Variants in SBSN observed in about 807,000 individuals in gnomAD.
The protein encoded by SBSN is HLAR698.
A neutral mutation model predicts 42.8 loss-of-function variants in SBSN; 33 were observed. That is an observed-to-expected ratio of 0.77 (90% confidence interval 0.58 to 1.03). SBSN has a LOEUF of 1.03. Ranked by LOEUF, SBSN falls within the 50% of genes least tolerant of loss-of-function variation. The pLI, the probability that SBSN is intolerant of heterozygous loss-of-function variation, is 0.00. For missense variants in SBSN, 646 were observed against 757.3 expected, an observed-to-expected ratio of 0.85 and a Z score of 1.72; for synonymous variants, 276 against 307.0, an observed-to-expected ratio of 0.90 and a Z score of 1.06.
At chr19:35,523,591 G>A (rs577011425) in intron 3 of SBSN, 58 bp from the exon 4 acceptor site, 26 of 1,565,918 alleles carry the variant, frequency 1.7e-5, no homozygotes, top group African/African-American at 9.5e-5. Context: ...GACGGGACCC[G>A]AGACCTCAGC....
In SBSN at chr19:35,526,850, G is replaced by C. The variant is rs2071378965; in HGVS notation, c.1432C>G (p.Gln478Glu). 1.2e-6 allele frequency: 2 copies of C among 1,613,482 alleles called. No homozygotes were observed. Among genetic ancestry groups the C allele is most frequent in the South Asian group, 2.2e-5 (2 of 91,056 alleles). Reference protein sequence around the residue: ...QAGKEADKAVQGFHTGVHQAG... With the variant: ...QAGKEADKAVEGFHTGVHQAG... The stretch of plus-strand genomic sequence containing the variant: ...TGGTGGACCCCAGTGTGGAACCCTT[G>C]GACCGCTTTGTCTGCTTCCTTCCCG... The change falls in exon 1 of 4, where the codon CAA becomes GAA. Residue 478 changes from glutamine to glutamate, a missense_variant. Transcript: ENST00000452271.
At chr19:35,523,628 G>C in intron 3 of SBSN, 95 bp from the exon 4 acceptor site, 1 of 1,252,288 alleles carries the variant, frequency 8.0e-7, no homozygotes, top group Non-Finnish European at 1.2e-6. Context: ...AGCACAAGGG[G>C]ACTGGCTGCT....
At chr19:35,525,048 C>A in intron 1 of SBSN, 124 bp from the exon 2 acceptor site, 1 of 946,930 alleles carries the variant, frequency 1.1e-6, no homozygotes, top group South Asian at 1.5e-5. Context: ...ACAGCTTAAC[C>A]CACTGCCTCC....
chr19:35,523,611 C>G, intron 3 of SBSN, 78 bp from the exon 4 acceptor site: 18 of 1,433,748 alleles, frequency 1.3e-5, no homozygotes, highest in Non-Finnish European at 1.8e-5. Flanking sequence ...CCCCGCCCCT[C>G]GGGAGAAGCA....
At chr19:35,524,970 G>A (rs1282258466) in intron 1 of SBSN, 46 bp from the exon 2 acceptor site, 2 of 1,599,614 alleles carry the variant, frequency 1.3e-6, no homozygotes, top group East Asian at 4.5e-5. Flanking sequence ...CAAACGCGGA[G>A]GGTCTCCCAG....
chr19:35,523,448 C>CA lies in SBSN; in HGVS notation c.*61dup. ...ACCTGTCCCCCACCCCCAACCCCTC[C>CA]AGGTCATGTCAGCTGATGTGACAAC... is the stretch of plus-strand genomic sequence containing the variant. On this transcript the variant is annotated 3_prime_UTR_variant, in exon 4 of 4. Transcript: ENST00000452271. 2 of 1,570,358 alleles carry CA rather than the reference C, an allele frequency of 1.3e-6. No individual in the cohort carries two copies. The highest frequency in any genetic ancestry group is 1.8e-6 in the Non-Finnish European group (2 of 1,140,372).
rs150226297 is a variant in SBSN, at chr19:35,528,203, C to T, written c.79G>A (p.Asp27Asn). The change falls in exon 1 of 4, where the codon GAC becomes AAC. Residue 27 changes from aspartate (D) to asparagine (N), a missense_variant. Around this residue, in one of 3 missense-constraint regions of SBSN, gnomAD observed 190 missense variants for 197.1 expected, o/e 0.96. Transcript: ENST00000452271. The part of the protein sequence containing the change: ...GALSGWAASD[D>N]PIEKVIEGIN... ...CCTTCAATGACCTTCTCAATGGGGTCATCGCTGGCCGCCCATCCAGACAGG... is the reference window on the plus strand; with the variant it reads ...CCTTCAATGACCTTCTCAATGGGGTTATCGCTGGCCGCCCATCCAGACAGG... 1.9e-5 allele frequency: 30 copies of T among 1,613,882 alleles called. No homozygotes were observed. The African/African-American group carries it at 3.2e-4, about 17-fold the overall frequency.
At position 35,524,852 on chromosome 19, in the gene SBSN, C is replaced by T. The variant is rs376696068; in HGVS notation, c.1704+7G>A. 71 of 1,613,954 alleles carry T rather than the reference C, an allele frequency of 4.4e-5. No individual in the cohort carries two copies. Among genetic ancestry groups the T allele is most frequent in the South Asian group, 1.1e-4 (10 of 91,084 alleles). On this transcript the variant is annotated splice_region_variant and intron_variant, in intron 2 of 3. Coordinates refer to ENST00000452271, the MANE Select transcript of SBSN (RefSeq NM_001166034.2). The stretch of plus-strand genomic sequence containing the variant: ...CTCCTCTCCCCTACCCCAGAGTCCG[C>T]GCTTACCCCAGAGGCTAACGGCGTG...
In SBSN at chr19:35,526,610, C is replaced by G. The variant is rs368600216; in HGVS notation, c.1638+34G>C. ...TTTAACCTTTCCCTCCCCCAACCCC[C>G]CTGTCCCCCATCTCCCCATCCCTGT... On this transcript the variant is annotated intron_variant, in intron 1 of 3. Transcript: ENST00000452271. 1.1e-5 allele frequency: 15 copies of G among 1,316,452 alleles called. No individual in the cohort carries two copies. The African/African-American group carries it at 2.0e-4, about 18-fold the overall frequency. 81.5% of individuals were successfully genotyped at this position (1,316,452 alleles called of 1,614,324 possible). A position where few individuals can be genotyped will look rare whatever the true frequency, so the allele number is the denominator to read the frequency against.
rs1600123817 is a variant in SBSN at position 35,527,704 on chromosome 19, T to A, written c.578A>T (p.His193Leu). 6.6e-7 allele frequency: 1 copy of A among 1,517,980 alleles called. No individual in the cohort carries two copies. The highest frequency in any genetic ancestry group is 8.8e-7 in the Non-Finnish European group (1 of 1,134,640). 94.0% of individuals were successfully genotyped at this position (1,517,980 alleles called of 1,614,324 possible). ...ATTTCCGGCCTGCCCTGCAGCATGG[T>A]GGACTCCCTGGCCAAACCTCCCAGC... The part of the protein sequence containing the change: ...NEAGRFGQGV[H>L]HAAGQAGNEA... The change falls in exon 1 of 4, where the codon CAC becomes CTC. Residue 193 changes from histidine (H) to leucine (L), a missense_variant. Coordinates refer to ENST00000452271, the MANE Select transcript of SBSN (RefSeq NM_001166034.2).
intron 3 of SBSN, 24 bp from the exon 4 acceptor site, chr19:35,523,557 G>A: frequency 1.2e-6 from 2 of 1,613,788 alleles, no homozygotes; most frequent in South Asian, 1.1e-5. Flanking sequence ...GGAGAGCAGG[G>A]GTGAATGTAG....
rs142567697 is a variant in SBSN, at chr19:35,526,208, AC to A, written c.1638+435del. Among the ~76,000 whole-genome samples the A allele has an allele frequency of 6.5e-3, 997 of 152,292 alleles. 10 individuals carry two copies. Among genetic ancestry groups the A allele is most frequent in the African/African-American group, 0.023 (941 of 41,556 alleles). On this transcript the variant is annotated intron_variant, in intron 1 of 3. Coordinates refer to ENST00000452271, the MANE Select transcript of SBSN (RefSeq NM_001166034.2). ...ATCAGAGGGTAGTTACAAAGATTAC[AC>A]AGGCCAAGGCTCATCTCCGAAAGCT...
At chr19:35,523,676 G>A (rs1433957405) in intron 3 of SBSN, 143 bp from the exon 4 acceptor site, 2 of 811,542 alleles carry the variant, frequency 2.5e-6, no homozygotes, top group Non-Finnish European at 2.1e-6. Context: ...GTTTCAGGAA[G>A]GTAGCATCTA....
intron 1 of SBSN, 78 bp from the exon 2 acceptor site, chr19:35,525,002 G>A: frequency 6.7e-7 from 1 of 1,493,850 alleles, no homozygotes; most frequent in Non-Finnish European, 9.2e-7. Context: ...CAGGGACCTG[G>A]TCCCCTCCAG....
In SBSN at chr19:35,527,035, C is replaced by T; in HGVS notation, c.1247G>A (p.Gly416Glu). The T allele has an allele frequency of 1.3e-6, 2 of 1,541,040 alleles. No homozygotes were observed. Residue 416 changes from glycine (G) to glutamate (E), a missense_variant, in exon 1 of 4, where the codon GGA (glycine) becomes GAA (glutamate). This residue lies in a region of SBSN where 236 missense variants were observed against 225.6 expected (regional missense o/e 1.05). Transcript: ENST00000452271. The part of the protein sequence containing the change: ...QGLHHGVSQA[G>E]REAGQFGHDI... ...GTGGCCAAACTGCCCCGCCTCCCTT[C>T]CAGCCTGACTAACGCCATGATGGAG...
intron 1 of SBSN, 87 bp downstream of exon 1, chr19:35,526,557 C>A (rs1317345297): frequency 4.3e-6 from 5 of 1,159,062 alleles, no homozygotes; most frequent in Non-Finnish European, 5.9e-6. Context: ...CTACGCGGAC[C>A]CCCCCGCCCC....
At chr19:35,524,551 G>C (rs1302795528) in intron 3 of SBSN, among the ~76,000 whole-genome samples, 160 bp downstream of exon 3, 2 of 152,084 alleles carry the variant, frequency 1.3e-5, no homozygotes, top group African/African-American at 2.4e-5. Flanking sequence ...GGAGCAGGTG[G>C]AGAGAGGGAA....
In SBSN at chr19:35,523,428, T is replaced by C. The variant is rs971567399; in HGVS notation, c.*82A>G. 19 of 1,388,890 alleles carry C rather than the reference T, an allele frequency of 1.4e-5. No homozygotes were observed. Among genetic ancestry groups the C allele is most frequent in the Non-Finnish European group, 1.9e-5 (19 of 975,858 alleles). The allele number at this position is 1,388,890 out of a possible 1,614,324, so 86.0% of individuals were successfully genotyped here. On this transcript the variant is annotated 3_prime_UTR_variant, in exon 4 of 4. Transcript: ENST00000452271. Reference sequence around the variant, plus strand: ...CCCCTTCAGGGATTTCAGAAACCTGTCCCCCACCCCCAACCCCTCCAGGTC... The same window carrying C: ...CCCCTTCAGGGATTTCAGAAACCTGCCCCCCACCCCCAACCCCTCCAGGTC...
At chr19:35,525,343 C>T (rs1304599362) in intron 1 of SBSN, among the ~76,000 whole-genome samples, 1 of 152,136 alleles carries the variant, frequency 6.6e-6, no homozygotes, top group Admixed American at 6.5e-5. Context: ...CCATGCACCC[C>T]AGCAGTGCCC....
Sources: allele counts gnomAD v4.1 joint callset (sites outside exome capture counted in the v4.1 genomes callset), GRCh38; gene constraint gnomAD v4.1.1; regional missense constraint gnomAD v4.1.1; transcripts MANE v1.5; gene names NCBI Gene and HGNC (gene_info 2026-07-23, HGNC 2026-07-21).